Variants in RUNDC3B observed in about 807,000 individuals in gnomAD.
The protein encoded by RUNDC3B is RUN domain containing 3B.
RUNDC3B carries 33 observed loss-of-function variants against 58.4 expected under a neutral mutation model. That is an observed-to-expected ratio of 0.56 (90% confidence interval 0.43 to 0.75). RUNDC3B has a LOEUF of 0.75. Ranked by LOEUF, RUNDC3B falls within the 30% of genes least tolerant of loss-of-function variation. The pLI is 0.00. For missense variants in RUNDC3B, 501 were observed against 535.7 expected (o/e 0.94, Z 0.64); for synonymous variants, 193 against 195.2 (o/e 0.99, Z 0.10).
chr7:87,662,074 T>A (rs1160034474), intron 2 of RUNDC3B, among the ~76,000 whole-genome samples: 1 of 152,104 alleles, frequency 6.6e-6, no homozygotes, highest in Non-Finnish European at 1.5e-5. Flanking sequence ...TCTATTCTGA[T>A]CTTTTGCCCA....
chr7:87,641,467 T>C (rs1822445428), intron 1 of RUNDC3B, among the ~76,000 whole-genome samples: 1 of 152,194 alleles, frequency 6.6e-6, no homozygotes, highest in South Asian at 2.1e-4. Flanking sequence ...CTCCTGGCCT[T>C]TCAGGGTTTT....
At chr7:87,760,596 A>G (rs1833623410) in intron 6 of RUNDC3B, among the ~76,000 whole-genome samples, 1 of 152,092 alleles carries the variant, frequency 6.6e-6, no homozygotes. Flanking sequence ...AGCTCCAGTA[A>G]TCAAAACAAT....
At chr7:87,756,721 C>T (rs1467450254) in intron 6 of RUNDC3B, among the ~76,000 whole-genome samples, 2 of 151,948 alleles carry the variant, frequency 1.3e-5, no homozygotes, top group African/African-American at 4.8e-5. Flanking sequence ...ATATTTCTGA[C>T]AAATAATGTT....
At chr7:87,662,639 T>C (rs1425583091) in intron 2 of RUNDC3B, among the ~76,000 whole-genome samples, 1 of 152,158 alleles carries the variant, frequency 6.6e-6, no homozygotes, top group East Asian at 1.9e-4. Flanking sequence ...AGTACCATGG[T>C]GTTTTGATTA....
rs768217130 is a variant in RUNDC3B, at chr7:87,628,868, TGGCGGCGGA to T, written c.52_60del (p.Gly18_Gly20del). On this transcript the variant is annotated inframe_deletion, in exon 1 of 11. Coordinates refer to ENST00000394654, the MANE Select transcript of RUNDC3B (RefSeq NM_001134405.2). ...GGGGCCTGAGCGGGATCCGCGGCGG[TGGCGGCGGA>T]GGCGGCAAGAAAAGCCTGAGCGCCC... 3 of 1,282,430 alleles carry T rather than the reference TGGCGGCGGA, an allele frequency of 2.3e-6. No homozygotes were observed. The highest frequency in any genetic ancestry group is 3.7e-5 in the South Asian group (1 of 27,296). The allele number at this position is 1,282,430 out of a possible 1,614,324, so 79.4% of individuals were successfully genotyped here.
At chr7:87,815,362 C>T (rs1226042436) in intron 9 of RUNDC3B, among the ~76,000 whole-genome samples, 1 of 151,912 alleles carries the variant, frequency 6.6e-6, no homozygotes, top group Non-Finnish European at 1.5e-5. Context: ...TTCCCTAGAC[C>T]ACTTATATAT....
chr7:87,670,427 T>C (rs1235884069), intron 2 of RUNDC3B, among the ~76,000 whole-genome samples: 1 of 152,198 alleles, frequency 6.6e-6, no homozygotes, highest in Non-Finnish European at 1.5e-5. Flanking sequence ...TCTTCCTGAG[T>C]CTCAGTGATC....
intron 2 of RUNDC3B, among the ~76,000 whole-genome samples, chr7:87,656,399 G>A (rs1163969627): frequency 6.6e-6 from 1 of 152,088 alleles, no homozygotes; most frequent in Non-Finnish European, 1.5e-5. Flanking sequence ...GAATTGGTTG[G>A]TTGTGGGTAG....
At chr7:87,671,173 G>A (rs1020477203) in intron 2 of RUNDC3B, among the ~76,000 whole-genome samples, 3 of 152,220 alleles carry the variant, frequency 2.0e-5, no homozygotes, top group Non-Finnish European at 4.4e-5. Context: ...CACAAGCACT[G>A]TGGGGTGTGT....
At chr7:87,799,294 C>A (rs770349186) in intron 8 of RUNDC3B, among the ~76,000 whole-genome samples, 2 of 152,154 alleles carry the variant, frequency 1.3e-5, no homozygotes, top group Non-Finnish European at 2.9e-5. Context: ...AAACAGATAG[C>A]ATCTGTCAGA....
At chr7:87,688,157 A>G (rs1369801162) in intron 2 of RUNDC3B, among the ~76,000 whole-genome samples, 1 of 152,168 alleles carries the variant, frequency 6.6e-6, no homozygotes, top group East Asian at 1.9e-4. Context: ...AATTCAGGAA[A>G]GGTGAAGCAG....
intron 1 of RUNDC3B, among the ~76,000 whole-genome samples, chr7:87,635,380 G>A (rs980826627): frequency 6.6e-6 from 1 of 152,108 alleles, no homozygotes; most frequent in Non-Finnish European, 1.5e-5. Context: ...CTTCTTTTTT[G>A]TGAAGACTTC....
rs1823358318 is a variant in RUNDC3B at position 87,649,481 on chromosome 7, A to C, written c.123-1341A>C. Among the ~76,000 whole-genome samples, 4 of 152,192 alleles carry C rather than the reference A, an allele frequency of 2.6e-5. No individual in the cohort carries two copies. In the South Asian group the frequency reaches 8.3e-4, roughly 32 times the overall value. ...TAAATTGTAATTTTCTCTTAAGGGA[A>C]ATAAATGCAAATAAAATGTTTGTTT... On this transcript the variant is annotated intron_variant, in intron 1 of 10. Coordinates refer to ENST00000394654, the MANE Select transcript of RUNDC3B (RefSeq NM_001134405.2).
At chr7:87,692,019 C>A (rs1828061935) in intron 2 of RUNDC3B, among the ~76,000 whole-genome samples, 1 of 152,032 alleles carries the variant, frequency 6.6e-6, no homozygotes, top group Non-Finnish European at 1.5e-5. Flanking sequence ...ATGGTTTAAT[C>A]GTATTAAATT....
chr7:87,824,848 A>G (rs184411378), intron 10 of RUNDC3B, among the ~76,000 whole-genome samples: 1 of 152,130 alleles, frequency 6.6e-6, no homozygotes. Flanking sequence ...TGCCATAGAG[A>G]CTTGTGGAAC....
chr7:87,742,061 T>C (rs1832356895), intron 6 of RUNDC3B, among the ~76,000 whole-genome samples: 1 of 152,226 alleles, frequency 6.6e-6, no homozygotes, highest in Admixed American at 6.5e-5. Context: ...TAAAGAGTTG[T>C]AGCAATTTAT....
In RUNDC3B at chr7:87,771,923, G is replaced by A. The variant is rs970172365; in HGVS notation, c.798+1174G>A. 2.6e-5 allele frequency among the ~76,000 whole-genome samples: 4 copies of A among 152,302 alleles called. No homozygotes were observed. In the South Asian group the frequency reaches 6.2e-4, roughly 24 times the overall value. ...ATATGTTTAACTGGCTCTTTTAGAG[G>A]AGATGGAGACAGAAGCCCTCATTTG... On this transcript the variant is annotated intron_variant, in intron 7 of 10. Coordinates refer to ENST00000394654, the MANE Select transcript of RUNDC3B (RefSeq NM_001134405.2).
intron 5 of RUNDC3B, among the ~76,000 whole-genome samples, chr7:87,740,737 T>C (rs184653838): frequency 8.7e-4 from 132 of 152,312 alleles, no homozygotes; most frequent in Non-Finnish European, 1.5e-3. Flanking sequence ...TTTATTAAAA[T>C]TTAATAAGCT....
chr7:87,643,996 C>G (rs1265897818), intron 1 of RUNDC3B, among the ~76,000 whole-genome samples: 1 of 152,174 alleles, frequency 6.6e-6, no homozygotes, highest in Non-Finnish European at 1.5e-5. Context: ...GTAGCTGGGA[C>G]TACAAGTGTG....
Sources: allele counts gnomAD v4.1 joint callset (sites outside exome capture counted in the v4.1 genomes callset), GRCh38; gene constraint gnomAD v4.1.1; transcripts MANE v1.5; gene names NCBI Gene and HGNC (gene_info 2026-07-23, HGNC 2026-07-21).